GLG1: variants seen among roughly 807,000 people sequenced by gnomAD.
The protein encoded by GLG1 is Golgi apparatus protein 1.
GLG1 carries 38 observed loss-of-function variants against 160.5 expected under a neutral mutation model. The ratio of observed to expected loss-of-function variants is 0.24; its 90% CI spans 0.18 to 0.31. The LOEUF (loss-of-function observed/expected upper bound fraction) is 0.31, where lower values mean the gene tolerates loss of function less well. GLG1 is among the 10% of genes least tolerant of loss of function. GLG1 has a pLI of 1.00. For missense variants in GLG1, 1,373 were observed against 1,505.2 expected (o/e 0.91, Z 1.45); for synonymous variants, 644 against 543.4 (o/e 1.19, Z -2.57).
chr16:74,476,603 A>G (rs1273491049), intron 12 of GLG1, among the ~76,000 whole-genome samples: 1 of 152,184 alleles, frequency 6.6e-6, no homozygotes, highest in African/African-American at 2.4e-5. Flanking sequence ...CCTACTGCTG[A>G]GTATCCTGCA....
At chr16:74,456,848 A>C (rs1279671506) in intron 24 of GLG1, 93 bp from the exon 25 acceptor site, 1 of 794,908 alleles carries the variant, frequency 1.3e-6, no homozygotes, top group East Asian at 2.4e-5. Context: ...CAACCACCAG[A>C]GAATTCAGAT....
chr16:74,505,983 T>C (rs988444489), intron 3 of GLG1, among the ~76,000 whole-genome samples: 10 of 129,996 alleles, frequency 7.7e-5, no homozygotes, highest in Non-Finnish European at 1.4e-4. Context: ...TGAGCCAAGA[T>C]TGCACCACTG....
intron 22 of GLG1, 62 bp from the exon 23 acceptor site, chr16:74,459,851 C>T: frequency 1.9e-5 from 15 of 793,294 alleles, no homozygotes; most frequent in Admixed American, 8.6e-5. Flanking sequence ...CTGACAGTTT[C>T]TTCTTTTTTT....
chr16:74,521,445 A>G (rs1018247872), intron 2 of GLG1, among the ~76,000 whole-genome samples: 1 of 152,160 alleles, frequency 6.6e-6, no homozygotes, highest in African/African-American at 2.4e-5. Context: ...AATAGCAGTG[A>G]AAATGGCCAA....
In GLG1 at chr16:74,544,313, G is replaced by A. The variant is rs8052330; in HGVS notation, c.439-12160C>T. ...TGGAAAAATTATTTAACATGTTTTT[G>A]TTTTGTTTTGTTGTTTTGAGACAGA... On this transcript the variant is annotated intron_variant, in intron 1 of 25. Coordinates refer to ENST00000422840, the MANE Select transcript of GLG1 (RefSeq NM_001145667.2). Among the ~76,000 whole-genome samples the A allele has an allele frequency of 7.6e-3, 1,162 of 152,274 alleles. 16 individuals carry two copies. The highest frequency in any genetic ancestry group is 0.026 in the African/African-American group (1,088 of 41,540).
At chr16:74,499,200 T>C (rs1597272075) in intron 4 of GLG1, among the ~76,000 whole-genome samples, 1 of 140,818 alleles carries the variant, frequency 7.1e-6, no homozygotes, top group East Asian at 2.2e-4. Context: ...GGGTGGAGTC[T>C]ATAAAACTCC....
intron 1 of GLG1, among the ~76,000 whole-genome samples, chr16:74,553,755 G>A (rs186754366): frequency 1.6e-4 from 25 of 152,282 alleles, no homozygotes; most frequent in African/African-American, 6.0e-4. Flanking sequence ...TTACAGGCTT[G>A]AGCCACCGTG....
chr16:74,536,214 A>T (rs1429127194), intron 1 of GLG1, among the ~76,000 whole-genome samples: 4 of 152,198 alleles, frequency 2.6e-5, no homozygotes, highest in Admixed American at 6.5e-5. Flanking sequence ...CATCAGATAT[A>T]GTACATCTAT....
intron 1 of GLG1, among the ~76,000 whole-genome samples, chr16:74,568,669 C>T (rs571132526): frequency 5.1e-4 from 78 of 152,276 alleles, no homozygotes; most frequent in African/African-American, 1.8e-3. Flanking sequence ...CCGCCCACCT[C>T]GGCCTCCCAA....
Position 74,487,408 on chromosome 16 carries a change from G to A in GLG1, c.1450-1491C>T, listed in dbSNP as rs532257893. Reference sequence around the variant, plus strand: ...CATAGGTTAGATCACAAATTTATCAGAGAACCATAATCAAAAGGAAATAAA... The same window carrying A: ...CATAGGTTAGATCACAAATTTATCAAAGAACCATAATCAAAAGGAAATAAA... On this transcript the variant is annotated intron_variant, in intron 8 of 25. Transcript: ENST00000422840. Among the ~76,000 whole-genome samples, 3 of 151,452 alleles carry A rather than the reference G, an allele frequency of 2.0e-5. No individual in the cohort carries two copies. The South Asian group carries it at 6.3e-4, about 32-fold the overall frequency.
intron 1 of GLG1, among the ~76,000 whole-genome samples, chr16:74,598,280 G>C (rs944902095): frequency 6.6e-6 from 1 of 151,986 alleles, no homozygotes; most frequent in African/African-American, 2.4e-5. Context: ...CCAGCACTTT[G>C]GGAGGCCAAG....
intron 3 of GLG1, among the ~76,000 whole-genome samples, chr16:74,504,997 G>C (rs1037569288): frequency 6.6e-6 from 1 of 152,240 alleles, no homozygotes; most frequent in Non-Finnish European, 1.5e-5. Context: ...ACAAACTGAA[G>C]TGGCAATTCT....
chr16:74,570,516 G>A (rs1023189190), intron 1 of GLG1, among the ~76,000 whole-genome samples: 2 of 68,676 alleles, frequency 2.9e-5, no homozygotes, highest in Non-Finnish European at 5.4e-5. Context: ...ATACTGTGAT[G>A]GATTTTTTCA....
chr16:74,535,166 G>T (rs531587650), intron 1 of GLG1, among the ~76,000 whole-genome samples: 1 of 152,098 alleles, frequency 6.6e-6, no homozygotes, highest in East Asian at 1.9e-4. Flanking sequence ...AAAGTTTGAG[G>T]GTGTCTGTTA....
chr16:74,462,211 G>A lies in GLG1; in HGVS notation c.2935-16C>T. ...AAGACAGGCGCTGCATGTGACAAAG[G>A]GAGGATACATGGGCTGATCAGAAAA... is the stretch of plus-strand genomic sequence containing the variant. On this transcript the variant is annotated splice_polypyrimidine_tract_variant and intron_variant, in intron 21 of 25. Coordinates refer to ENST00000422840, the MANE Select transcript of GLG1 (RefSeq NM_001145667.2). 1 of 1,404,034 alleles carries A rather than the reference G, an allele frequency of 7.1e-7. No individual in the cohort carries two copies. Among genetic ancestry groups the A allele is most frequent in the Non-Finnish European group, 1.0e-6 (1 of 989,700 alleles). 87.0% of individuals were successfully genotyped at this position (1,404,034 alleles called of 1,614,324 possible). A position where few individuals can be genotyped will look rare whatever the true frequency, so the allele number is the denominator to read the frequency against.
At chr16:74,512,945 C>G (rs1179894912) in intron 2 of GLG1, among the ~76,000 whole-genome samples, 1 of 152,100 alleles carries the variant, frequency 6.6e-6, no homozygotes, top group Non-Finnish European at 1.5e-5. Flanking sequence ...GTCAGATGAA[C>G]TGACGGAGAT....
chr16:74,573,448 G>C (rs1309357877), intron 1 of GLG1, among the ~76,000 whole-genome samples: 1 of 151,906 alleles, frequency 6.6e-6, no homozygotes, highest in Non-Finnish European at 1.5e-5. Context: ...TGAAACATCT[G>C]GGTATTACTA....
rs560795841 is a variant in GLG1, at chr16:74,504,206, CAG to C, written c.559-462_559-461del. Among the ~76,000 whole-genome samples, 267 of 152,252 alleles carry C rather than the reference CAG, an allele frequency of 1.8e-3. 1 individual carries two copies. The highest frequency in any genetic ancestry group is 6.3e-3 in the African/African-American group (262 of 41,546). Reference sequence around the variant, plus strand: ...GCTGCATACCCTAAGCCAAGCTACACAGAAAACTATTATTGTTAGGCAAACCT... The same window carrying C: ...GCTGCATACCCTAAGCCAAGCTACACAAAACTATTATTGTTAGGCAAACCT... On this transcript the variant is annotated intron_variant, in intron 3 of 25. Transcript: ENST00000422840.
At chr16:74,553,747 ACAGGCTTGAGCCACCGTGC>A (rs1327787706) in intron 1 of GLG1, among the ~76,000 whole-genome samples, 3 of 152,174 alleles carry the variant, frequency 2.0e-5, no homozygotes, top group Non-Finnish European at 4.4e-5. Context: ...TGCTGGGATT[ACAGGCTTGAGCCACCGTGC>A]CAGGCCATGG....
Sources: allele counts gnomAD v4.1 joint callset (sites outside exome capture counted in the v4.1 genomes callset), GRCh38; gene constraint gnomAD v4.1.1; transcripts MANE v1.5; gene names NCBI Gene and HGNC (gene_info 2026-07-23, HGNC 2026-07-21).